Variants in GRIN2A observed in about 807,000 individuals in gnomAD.
GRIN2A encodes the protein glutamate ionotropic receptor NMDA type subunit 2A, also known as glutamate receptor ionotropic, NMDA 2A.
GRIN2A carries 22 observed loss-of-function variants against 113.4 expected under a neutral mutation model. The observed-to-expected ratio is 0.19, with a 90% CI of 0.14 to 0.28. The LOEUF (loss-of-function observed/expected upper bound fraction) is 0.28. Among genes scored for constraint, GRIN2A ranks in the 10% least tolerant of loss-of-function variants. GRIN2A has a pLI of 1.00. For synonymous variants in GRIN2A, 827 were observed against 738.4 expected, an observed-to-expected ratio of 1.12 and a Z score of -1.94; for missense variants, 1,502 against 1,887.0, an observed-to-expected ratio of 0.80 and a Z score of 3.78.
chr16:9,878,929 C>G (rs941946242), intron 4 of GRIN2A, among the ~76,000 whole-genome samples: 2 of 152,028 alleles, frequency 1.3e-5, no homozygotes, highest in African/African-American at 4.8e-5. Context: ...TCACTTATTT[C>G]AGTTGAATGT....
intron 2 of GRIN2A, among the ~76,000 whole-genome samples, chr16:9,963,241 C>A (rs2045478819): frequency 6.6e-6 from 1 of 151,808 alleles, no homozygotes; most frequent in Non-Finnish European, 1.5e-5. Context: ...GCACATTGTG[C>A]ACATGTACCC....
At chr16:9,861,643 G>T (rs556613383) in intron 4 of GRIN2A, among the ~76,000 whole-genome samples, 1 of 152,322 alleles carries the variant, frequency 6.6e-6, no homozygotes, top group South Asian at 2.1e-4. Context: ...TGAGTTCAGT[G>T]ATGTTTTTTA....
chr16:9,911,613 A>G (rs2044139183), intron 3 of GRIN2A, among the ~76,000 whole-genome samples: 1 of 152,176 alleles, frequency 6.6e-6, no homozygotes, highest in South Asian at 2.1e-4. Flanking sequence ...TCTCATTAAT[A>G]TTAGCCCATG....
intron 5 of GRIN2A, among the ~76,000 whole-genome samples, chr16:9,842,341 A>G (rs977353694): frequency 1.1e-4 from 17 of 152,248 alleles, no homozygotes; most frequent in African/African-American, 3.9e-4. Flanking sequence ...ACATAAGATC[A>G]AAGCCTTTCT....
chr16:9,816,849 G>T (rs189373536), intron 10 of GRIN2A, among the ~76,000 whole-genome samples: 1 of 152,094 alleles, frequency 6.6e-6, no homozygotes, highest in South Asian at 2.1e-4. Flanking sequence ...ATTTTTATTA[G>T]CACCTATTCT....
chr16:9,810,375 A>G (rs2042063486), intron 10 of GRIN2A, among the ~76,000 whole-genome samples: 2 of 152,140 alleles, frequency 1.3e-5, no homozygotes, highest in Non-Finnish European at 2.9e-5. Flanking sequence ...TGTTGGGAAA[A>G]CCACACTACA....
chr16:9,877,918 C>T (rs927142517), intron 4 of GRIN2A, among the ~76,000 whole-genome samples: 8 of 146,194 alleles, frequency 5.5e-5, no homozygotes, highest in African/African-American at 1.0e-4. Flanking sequence ...CAGGGCTTTG[C>T]GTTTCTCTAC....
intron 2 of GRIN2A, among the ~76,000 whole-genome samples, chr16:10,133,726 A>G (rs1027779112): frequency 1.3e-5 from 2 of 152,244 alleles, no homozygotes; most frequent in Admixed American, 6.5e-5. Flanking sequence ...CTCCTGGGTC[A>G]AAGTTTCTCT....
intron 2 of GRIN2A, among the ~76,000 whole-genome samples, chr16:9,999,839 C>A (rs953242223): frequency 2.0e-5 from 3 of 152,128 alleles, no homozygotes; most frequent in East Asian, 1.9e-4. Flanking sequence ...GTAACAAATT[C>A]CACAAGCACA....
At chr16:9,887,830 G>A (rs548037966) in intron 4 of GRIN2A, among the ~76,000 whole-genome samples, 274 of 152,246 alleles carry the variant, frequency 1.8e-3, no homozygotes, top group African/African-American at 5.8e-3. Context: ...AGGCTGAGGC[G>A]GGTGGATCAC....
At chr16:10,029,517 T>A (rs111523070) in intron 2 of GRIN2A, among the ~76,000 whole-genome samples, 4 of 151,696 alleles carry the variant, frequency 2.6e-5, no homozygotes, top group African/African-American at 7.3e-5. Context: ...AACAGTATTT[T>A]AAAAAAAAGA....
At chr16:10,048,890 G>A (rs1414934307) in intron 2 of GRIN2A, among the ~76,000 whole-genome samples, 2 of 152,114 alleles carry the variant, frequency 1.3e-5, no homozygotes, top group South Asian at 2.1e-4. Flanking sequence ...GCAAGCTCCA[G>A]GGCCAAGTTC....
intron 5 of GRIN2A, among the ~76,000 whole-genome samples, chr16:9,847,388 T>C (rs1027080955): frequency 4.0e-5 from 6 of 151,398 alleles, no homozygotes; most frequent in Non-Finnish European, 7.4e-5. Context: ...AAGACTCTTG[T>C]CTCTAAAAAA....
chr16:10,132,904 G>C (rs1291035893), intron 2 of GRIN2A, among the ~76,000 whole-genome samples: 1 of 152,176 alleles, frequency 6.6e-6, no homozygotes, highest in Non-Finnish European at 1.5e-5. Flanking sequence ...GGCCTTCCTA[G>C]TGCTTCCTTC....
intron 2 of GRIN2A, among the ~76,000 whole-genome samples, chr16:9,979,804 T>C (rs2045854811): frequency 6.9e-6 from 1 of 145,496 alleles, no homozygotes; most frequent in Admixed American, 6.9e-5. Context: ...TATATATATA[T>C]ATATATATGT....
intron 4 of GRIN2A, among the ~76,000 whole-genome samples, chr16:9,869,043 A>G (rs1489553935): frequency 1.3e-5 from 2 of 152,120 alleles, no homozygotes; most frequent in East Asian, 3.9e-4. Context: ...TGTCTGCCCC[A>G]GTGGACTCAT....
intron 2 of GRIN2A, among the ~76,000 whole-genome samples, chr16:10,005,249 G>A (rs868565687): frequency 3.3e-5 from 5 of 152,168 alleles, no homozygotes; most frequent in Non-Finnish European, 5.9e-5. Context: ...AAGTGACAGC[G>A]AAGATTTAGA....
chr16:9,767,668 T>G (rs1283623987), intron 12 of GRIN2A, among the ~76,000 whole-genome samples: 1 of 152,096 alleles, frequency 6.6e-6, no homozygotes, highest in Non-Finnish European at 1.5e-5. Flanking sequence ...AATAGATGGA[T>G]GCATAGATGG....
At chr16:10,160,324 A>C (rs1185091216) in intron 2 of GRIN2A, among the ~76,000 whole-genome samples, 1 of 152,202 alleles carries the variant, frequency 6.6e-6, no homozygotes, top group African/African-American at 2.4e-5. Flanking sequence ...AACCAAGAGA[A>C]CAGGAGCACA....
Sources: gnomAD v4.1 joint callset for allele counts (sites outside exome capture counted in the v4.1 genomes callset) on GRCh38, gnomAD v4.1.1 for gene constraint, MANE v1.5 for transcripts, NCBI Gene and HGNC (gene_info 2026-07-23, HGNC 2026-07-21) for gene names.